ZNF583: variants seen among roughly 807,000 people sequenced by gnomAD.
ZNF583 encodes zinc finger protein L3-5.
Under a neutral mutation model 55.3 loss-of-function variants are expected in ZNF583, and 30 were observed. That is an observed-to-expected ratio of 0.54 (90% CI 0.41 to 0.74). The LOEUF (loss-of-function observed/expected upper bound fraction) is 0.74, where lower values mean the gene tolerates loss of function less well. Ranked by LOEUF, ZNF583 falls within the 30% of genes least tolerant of loss-of-function variation. The pLI is 0.00. For missense variants in ZNF583, 504 were observed against 664.7 expected, an observed-to-expected ratio of 0.76 and a Z score of 2.66; for synonymous variants, 208 against 220.0, an observed-to-expected ratio of 0.95 and a Z score of 0.48.
At chr19:56,416,665 T>C (rs528320712) in intron 4 of ZNF583, among the ~76,000 whole-genome samples, 1 of 150,622 alleles carries the variant, frequency 6.6e-6, no homozygotes, top group East Asian at 1.9e-4. Flanking sequence ...CTGTTCATAC[T>C]AGATAATCTA....
At chr19:56,410,163 T>C (rs989163290) in intron 2 of ZNF583, among the ~76,000 whole-genome samples, 1 of 152,204 alleles carries the variant, frequency 6.6e-6, no homozygotes, top group African/African-American at 2.4e-5. Context: ...TCTGTATTAC[T>C]AATACCTGAA....
rs1325713585 is a variant in ZNF583, at chr19:56,426,534, A to C, written c.*2166A>C. ...GGGAGAAAATTATTGCAGCACATAT[A>C]AACTATGGAATTCATATCCTTAACA... On this transcript the variant is annotated 3_prime_UTR_variant, in exon 5 of 5. Transcript: ENST00000333201. 6.6e-6 allele frequency: 1 copy of C among 152,178 alleles called. No homozygotes were observed. Among genetic ancestry groups the C allele is most frequent in the East Asian group, 1.9e-4 (1 of 5,208 alleles). The allele number at this position is 152,178 out of a possible 1,614,324, so 9.4% of individuals were successfully genotyped here.
intron 4 of ZNF583, among the ~76,000 whole-genome samples, chr19:56,420,744 C>T (rs1245809113): frequency 6.6e-6 from 1 of 152,052 alleles, no homozygotes. Context: ...TTGCATGTTA[C>T]ATCTTTCTTT....
At chr19:56,406,738 A>T (rs1023598293) in intron 1 of ZNF583, among the ~76,000 whole-genome samples, 1 of 152,074 alleles carries the variant, frequency 6.6e-6, no homozygotes, top group East Asian at 1.9e-4. Flanking sequence ...CGTGTTAGCC[A>T]GGATGGTCTC....
chr19:56,417,573 A>G (rs1312105879), intron 4 of ZNF583, among the ~76,000 whole-genome samples: 24 of 152,062 alleles, frequency 1.6e-4, no homozygotes, highest in Admixed American at 1.6e-3. Flanking sequence ...GTTCTTTATC[A>G]TTTATATGTA....
In ZNF583 at chr19:56,407,050, C is replaced by G. The variant is rs2042164875; in HGVS notation, c.-65C>G. The G allele has an allele frequency of 1.3e-6, 2 of 1,594,826 alleles. No individual in the cohort carries two copies. The highest frequency in any genetic ancestry group is 2.7e-5 in the African/African-American group (2 of 74,488). ...GCTCGACTTTCTCAGGATACTGTCC[C>G]TCTCCCACAGAGGAGCTGAAGGAGT... is the stretch of plus-strand genomic sequence containing the variant. On this transcript the variant is annotated 5_prime_UTR_variant, in exon 2 of 5. Transcript: ENST00000333201.
At chr19:56,412,480 A>G (rs2042254143) in intron 2 of ZNF583, among the ~76,000 whole-genome samples, 1 of 152,224 alleles carries the variant, frequency 6.6e-6, no homozygotes, top group African/African-American at 2.4e-5. Flanking sequence ...TCAAACAGGC[A>G]CAATTGTGTA....
chr19:56,404,317 C>A (rs781264219), upstream of ZNF583: 1 of 152,410 alleles, frequency 6.6e-6, no homozygotes, highest in Non-Finnish European at 1.5e-5. This position sits in a 1 kb window ranked among gnomAD's most constrained non-coding sequence, Gnocchi z 5.2. Context: ...CCCAGCGGCC[C>A]CTGCGGCCTG....
intron 4 of ZNF583, among the ~76,000 whole-genome samples, chr19:56,418,757 T>C (rs1600372304): frequency 6.6e-6 from 1 of 152,184 alleles, no homozygotes; most frequent in Non-Finnish European, 1.5e-5. Flanking sequence ...TTTCTTGATA[T>C]ATTGCAATGG....
At chr19:56,404,176 G>A (rs1216853368), upstream of ZNF583, 1 of 152,498 alleles carries the variant, frequency 6.6e-6, no homozygotes, top group East Asian at 1.9e-4. This position sits in a 1 kb window ranked among gnomAD's most constrained non-coding sequence, Gnocchi z 5.2. Flanking sequence ...GAAGGCCAGC[G>A]GAGGTGGGCT....
intron 1 of ZNF583, among the ~76,000 whole-genome samples, 164 bp from the exon 2 acceptor site, chr19:56,406,862 A>G (rs903651009): frequency 1.3e-5 from 2 of 152,224 alleles, no homozygotes; most frequent in African/African-American, 4.8e-5. Flanking sequence ...AGCATGTGGG[A>G]AAAAGAATTG....
Position 56,423,396 on chromosome 19 carries a change from G to C in ZNF583, c.738G>C (p.Gly246=). The change falls in exon 5 of 5, where the codon GGG becomes GGC. Residue 246 remains glycine, a synonymous_variant. Transcript: ENST00000333201. Reference sequence around the variant, plus strand: ...AACCCTATGCATGTGTTGAATGTGGGAAAACGTTCAGCCAGAGTGCAAACT... The same window carrying C: ...AACCCTATGCATGTGTTGAATGTGGCAAAACGTTCAGCCAGAGTGCAAACT... ...GEKPYACVEC[G]KTFSQSANLA... 1 of 1,613,880 alleles carries C rather than the reference G, an allele frequency of 6.2e-7. No individual in the cohort carries two copies. The highest frequency in any genetic ancestry group is 8.5e-7 in the Non-Finnish European group (1 of 1,179,864).
intron 4 of ZNF583, chr19:56,421,313 A>T: frequency 1.0e-5 from 1 of 98,684 alleles, no homozygotes; most frequent in South Asian, 4.1e-4. Context: ...CTTCCTTATT[A>T]TAGTTTTATC....
intron 4 of ZNF583, chr19:56,421,602 T>C: frequency 4.2e-6 from 3 of 721,122 alleles, no homozygotes; most frequent in Non-Finnish European, 5.1e-6. Context: ...TAATATTCCA[T>C]TTGGTTTCAG....
chr19:56,414,613 C>T (rs769669593), intron 4 of ZNF583, 173 bp downstream of exon 4: 3 of 584,364 alleles, frequency 5.1e-6, no homozygotes. Flanking sequence ...TTCTCTCTGT[C>T]TATATTCTCT....
At position 56,423,783 on chromosome 19, in the gene ZNF583, T is replaced by C. The variant is rs1347630049; in HGVS notation, c.1125T>C (p.Thr375=). 3.7e-6 allele frequency: 6 copies of C among 1,613,576 alleles called. 1 individual carries two copies. The Admixed American group carries it at 1.0e-4, about 27-fold the overall frequency. Residue 375 remains threonine, a synonymous_variant, in exon 5 of 5, where the codon ACT becomes ACC. Transcript: ENST00000333201. ...GYLIVHQRIH[T]GERPYECKEC... is the part of the protein sequence containing the mutation. ...TAATTGTACATCAGAGAATTCATAC[T>C]GGAGAGAGACCCTACGAATGTAAGG...
intron 4 of ZNF583, among the ~76,000 whole-genome samples, chr19:56,422,283 C>G (rs569367821): frequency 6.6e-6 from 1 of 152,206 alleles, no homozygotes; most frequent in South Asian, 2.1e-4. Flanking sequence ...TTAGTAAGAC[C>G]AAGCAGTTTG....
At chr19:56,409,370 T>G (rs867700412) in intron 2 of ZNF583, among the ~76,000 whole-genome samples, 5 of 152,134 alleles carry the variant, frequency 3.3e-5, no homozygotes, top group African/African-American at 1.2e-4. Flanking sequence ...AAGAAAAAGC[T>G]GAAAGTATGA....
intron 4 of ZNF583, among the ~76,000 whole-genome samples, chr19:56,415,594 A>C (rs1268894569): frequency 6.6e-6 from 1 of 152,204 alleles, no homozygotes; most frequent in Non-Finnish European, 1.5e-5. Context: ...ATATATTTTT[A>C]GATGAGGTCT....
Sources: allele counts gnomAD v4.1 joint callset (sites outside exome capture counted in the v4.1 genomes callset), GRCh38; gene constraint gnomAD v4.1.1; non-coding constraint Gnocchi (gnomAD v3.1); transcripts MANE v1.5; gene names NCBI Gene and HGNC (gene_info 2026-07-23, HGNC 2026-07-21).